CEP44: variants seen among roughly 807,000 people sequenced by gnomAD.
CEP44 encodes the protein centrosomal protein 44.
A neutral mutation model predicts 46.7 loss-of-function variants in CEP44; 45 were observed. The observed-to-expected ratio is 0.96, with a 90% CI of 0.76 to 1.24. The LOEUF (loss-of-function observed/expected upper bound fraction) is 1.24, where lower values mean the gene tolerates loss of function less well. Ranked by LOEUF, CEP44 falls within the 50% of genes most tolerant of loss-of-function variation. CEP44 has a pLI of 0.00. For missense variants in CEP44, 475 were observed against 459.7 expected, an observed-to-expected ratio of 1.03 and a Z score of -0.30; for synonymous variants, 142 against 146.0, an observed-to-expected ratio of 0.97 and a Z score of 0.20.
chr4:174,294,758 G>A (rs1225494685), intron 1 of CEP44, among the ~76,000 whole-genome samples: 2 of 137,448 alleles, frequency 1.5e-5, no homozygotes, highest in African/African-American at 2.6e-5. Flanking sequence ...GCGGGGGGCT[G>A]ACCCCCCCAC....
chr4:174,291,787 CTTTTTTTTT>C (rs56201469), intron 1 of CEP44, among the ~76,000 whole-genome samples: 1,495 of 46,468 alleles, frequency 0.032, 47 homozygotes, highest in African/African-American at 0.11. Context: ...TTTTTCTTTT[CTTTTTTTTT>C]TTTTTTTTTT....
Position 174,319,774 on chromosome 4 carries a change from G to T in CEP44, c.*2391G>T. 2.2e-6 allele frequency: 2 copies of T among 914,248 alleles called. No homozygotes were observed. Among genetic ancestry groups the T allele is most frequent in the Non-Finnish European group, 2.6e-6 (2 of 767,502 alleles). The allele number at this position is 914,248 out of a possible 1,614,324, so 56.6% of individuals were successfully genotyped here. A position where few individuals can be genotyped will look rare whatever the true frequency, so the allele number is the denominator to read the frequency against. On this transcript the variant is annotated 3_prime_UTR_variant, in exon 12 of 12. Transcript: ENST00000503780. Reference sequence around the variant, plus strand: ...TATCATACATTTACACTTACAAAGAGTCTTTATCTAGACAACATAATTTTT... The same window carrying T: ...TATCATACATTTACACTTACAAAGATTCTTTATCTAGACAACATAATTTTT...
At chr4:174,330,237 C>G (rs1731244748) in intron 8 of CEP44, among the ~76,000 whole-genome samples, 1 of 151,826 alleles carries the variant, frequency 6.6e-6, no homozygotes, top group African/African-American at 2.4e-5. Flanking sequence ...GCCTGTAATC[C>G]CAGCACTTTG....
At chr4:174,295,130 A>C (rs1470587540) in intron 1 of CEP44, among the ~76,000 whole-genome samples, 1 of 142,314 alleles carries the variant, frequency 7.0e-6, no homozygotes, top group Non-Finnish European at 1.5e-5. Flanking sequence ...GCGGGGGCTG[A>C]CCCTCACCTC....
intron 4 of CEP44, 139 bp from the exon 5 acceptor site, chr4:174,303,564 T>C (rs544349492): frequency 1.0e-5 from 5 of 500,044 alleles, no homozygotes; most frequent in East Asian, 3.0e-5. Flanking sequence ...TGAATTACTT[T>C]AGTACTCTTT....
intron 3 of CEP44, among the ~76,000 whole-genome samples, chr4:174,300,204 T>C (rs1276956963): frequency 6.6e-6 from 1 of 152,164 alleles, no homozygotes; most frequent in Non-Finnish European, 1.5e-5. Context: ...TTCTAATAAC[T>C]CTTGAGGTTA....
chr4:174,318,229 A>T lies in CEP44; in HGVS notation c.*846A>T, dbSNP rs1158731480. On this transcript the variant is annotated 3_prime_UTR_variant, in exon 12 of 12. Transcript: ENST00000503780. ...TAGGCATGCACCACCATGCCCAGCTAATTTTGTATTTTTATTAGAGACAGG... is the reference window on the plus strand; with the variant it reads ...TAGGCATGCACCACCATGCCCAGCTTATTTTGTATTTTTATTAGAGACAGG... 1.4e-6 allele frequency: 1 copy of T among 705,416 alleles called. No homozygotes were observed. Among genetic ancestry groups the T allele is most frequent in the African/African-American group, 1.9e-5 (1 of 51,580 alleles). The allele number at this position is 705,416 out of a possible 1,614,324, so 43.7% of individuals were successfully genotyped here.
downstream of CEP44, among the ~76,000 whole-genome samples, chr4:174,322,770 T>G (rs755615349): frequency 1.3e-5 from 2 of 152,230 alleles, no homozygotes; most frequent in African/African-American, 2.4e-5. Flanking sequence ...AGCTGATTTT[T>G]AAATTCAATA....
downstream of CEP44, among the ~76,000 whole-genome samples, chr4:174,320,682 C>CTG (rs1491370545): frequency 1.3e-5 from 1 of 74,392 alleles, no homozygotes; most frequent in Non-Finnish European, 3.3e-5. Flanking sequence ...ACTGAGTGTG[C>CTG]TCTGTGTGTG....
intron 1 of CEP44, among the ~76,000 whole-genome samples, chr4:174,294,864 C>A (rs1196117662): frequency 7.5e-6 from 1 of 132,836 alleles, no homozygotes; most frequent in Admixed American, 7.3e-5. Context: ...CTGATCCCCC[C>A]ACCTCCCTCC....
chr4:174,300,722 C>G lies in CEP44; in HGVS notation c.90-1317C>G, dbSNP rs146071490. ...CATTTAAGCACACACACAACACCCC[C>G]ATCATTTTGATTCTTTTTTCTACTT... On this transcript the variant is annotated intron_variant, in intron 3 of 11. Coordinates refer to ENST00000503780, the MANE Select transcript of CEP44 (RefSeq NM_001040157.3). 3.2e-3 allele frequency among the ~76,000 whole-genome samples: 483 copies of G among 152,082 alleles called. 3 individuals are homozygous for G. The highest frequency in any genetic ancestry group is 0.011 in the African/African-American group (456 of 41,484).
chr4:174,330,572 T>C (rs1645947841), intron 8 of CEP44, among the ~76,000 whole-genome samples: 1 of 152,182 alleles, frequency 6.6e-6, no homozygotes, highest in Non-Finnish European at 1.5e-5. Context: ...TCATTAAATA[T>C]ATTTTCAAAT....
exon 9 of CEP44, chr4:174,332,541 C>T (rs1166373957): frequency 6.6e-6 from 1 of 152,154 alleles, no homozygotes; most frequent in Non-Finnish European, 1.5e-5. Flanking sequence ...TAATTTTCAT[C>T]AAATAAAATT....
At chr4:174,291,057 G>GATAGCGT (rs1181454536) in intron 1 of CEP44, among the ~76,000 whole-genome samples, 1 of 152,114 alleles carries the variant, frequency 6.6e-6, no homozygotes, top group Non-Finnish European at 1.5e-5. Flanking sequence ...GTCTCTTGTA[G>GATAGCGT]ATAGCGTATA....
chr4:174,302,031 C>T lies in CEP44; in HGVS notation c.90-8C>T, dbSNP rs1176054267. On this transcript the variant is annotated splice_polypyrimidine_tract_variant and splice_region_variant and intron_variant, in intron 3 of 11. Transcript: ENST00000503780. ...TTATTAAAAATATTTTTCTTTTTTT[C>T]CTAACAGTTTGATAAAGGGAGACCC... is the stretch of plus-strand genomic sequence containing the variant. The T allele has an allele frequency of 1.3e-6, 2 of 1,573,544 alleles. No homozygotes were observed. Among genetic ancestry groups the T allele is most frequent in the Non-Finnish European group, 8.6e-7 (1 of 1,168,726 alleles).
intron 11 of CEP44, 183 bp downstream of exon 11, chr4:174,316,750 C>T: frequency 2.1e-6 from 1 of 472,286 alleles, no homozygotes; most frequent in Non-Finnish European, 3.7e-6. Context: ...TGAGATGAGT[C>T]ACTGTTTTAG....
At position 174,310,790 on chromosome 4, in the gene CEP44, A is replaced by G; in HGVS notation, c.893A>G (p.Glu298Gly). 7.0e-7 allele frequency: 1 copy of G among 1,433,012 alleles called. No homozygotes were observed. Among genetic ancestry groups the G allele is most frequent in the Non-Finnish European group, 9.7e-7 (1 of 1,034,990 alleles). 88.8% of individuals were successfully genotyped at this position (1,433,012 alleles called of 1,614,324 possible). A position where few individuals can be genotyped will look rare whatever the true frequency, so the allele number is the denominator to read the frequency against. ...TTAACTGTGTTATTCCAGAATGATG[A>G]ATTTATAGAGTTTAATGAAGTTAGT... ...TEMLLSKKND[E>G]FIEFNEVSED... is the part of the protein sequence containing the mutation. The change falls in exon 9 of 12, where the codon GAA (glutamate) becomes GGA (glycine). Residue 298 changes from glutamate to glycine, a missense_variant. By Grantham distance (98) the Glu-to-Gly change is moderately conservative (BLOSUM62 -2). Coordinates refer to ENST00000503780, the MANE Select transcript of CEP44 (RefSeq NM_001040157.3). This position sits in a 1 kb window ranked among gnomAD's most constrained non-coding sequence, Gnocchi z 4.2.
intron 1 of CEP44, among the ~76,000 whole-genome samples, chr4:174,295,270 C>T (rs545384568): frequency 1.1e-4 from 16 of 149,836 alleles, no homozygotes; most frequent in East Asian, 6.1e-4. Flanking sequence ...ACTTCTCAGA[C>T]GGAGCGGCTG....
At position 174,312,409 on chromosome 4, in the gene CEP44, G is replaced by C. The variant is rs1222829167; in HGVS notation, c.961+1551G>C. On this transcript the variant is annotated intron_variant, in intron 9 of 11. Coordinates refer to ENST00000503780, the MANE Select transcript of CEP44 (RefSeq NM_001040157.3). This position sits in a 1 kb window ranked among gnomAD's most constrained non-coding sequence, Gnocchi z 4.5. ...GGCTTAAAGTGATCCTCCTTTCTCA[G>C]CCTCCTGAGTAGCTGGGACTACAGG... Among the ~76,000 whole-genome samples, 1 of 151,874 alleles carries C rather than the reference G, an allele frequency of 6.6e-6. No homozygotes were observed. The highest frequency in any genetic ancestry group is 1.5e-5 in the Non-Finnish European group (1 of 67,966).
Sources: gnomAD v4.1 joint callset for allele counts (sites outside exome capture counted in the v4.1 genomes callset) on GRCh38, gnomAD v4.1.1 for gene constraint, Gnocchi (gnomAD v3.1) non-coding constraint, MANE v1.5 for transcripts, NCBI Gene and HGNC (gene_info 2026-07-23, HGNC 2026-07-21) for gene names.